The following KCNJ15 variants were observed in gnomAD, a reference collection of about 807,000 sequenced individuals.
KCNJ15 encodes potassium inwardly rectifying channel subfamily J member 15.
KCNJ15 carries 14 observed loss-of-function variants against 23.0 expected under a neutral mutation model. The observed-to-expected ratio is 0.61, with a 90% CI of 0.40 to 0.95. The LOEUF is 0.95. KCNJ15 is among the 40% of genes least tolerant of loss of function. The pLI, the probability that KCNJ15 is intolerant of heterozygous loss-of-function variation, is 0.00. For synonymous variants in KCNJ15, 185 were observed against 183.2 expected, an observed-to-expected ratio of 1.01 and a Z score of -0.08; for missense variants, 388 against 461.8, an observed-to-expected ratio of 0.84 and a Z score of 1.46.
At chr21:38,238,424 C>T (rs966635401) in intron 1 of KCNJ15, 41 of 680,706 alleles carry the variant, frequency 6.0e-5, no homozygotes, top group Middle Eastern at 3.1e-4. Context: ...ACAGGGTGGA[C>T]GCACTGCACC....
chr21:38,275,824 C>G (rs1051142800), intron 1 of KCNJ15, among the ~76,000 whole-genome samples: 33 of 152,194 alleles, frequency 2.2e-4, no homozygotes, highest in Non-Finnish European at 3.4e-4. Flanking sequence ...GGGCAATTCC[C>G]CTTGTCTGTA....
In KCNJ15 at chr21:38,231,654, G is replaced by GT. The variant is rs35570403; in HGVS notation, c.-398-25382dup. Among the ~76,000 whole-genome samples the GT allele has an allele frequency of 1.8e-3, 265 of 150,712 alleles. 1 individual carries two copies. The East Asian group carries it at 0.023, about 13-fold the overall frequency. ...TCCTCTATTCCTAGTTTATTGAATA[G>GT]TTTTTTTTTTATCATAAATGGATTT... On this transcript the variant is annotated intron_variant, in intron 1 of 4. Transcript: ENST00000547341.
At chr21:38,288,026 C>CTTTTCTTTTTTTTTTT (rs1171718120) in intron 1 of KCNJ15, among the ~76,000 whole-genome samples, 1 of 78,170 alleles carries the variant, frequency 1.3e-5, no homozygotes, top group African/African-American at 5.1e-5. Flanking sequence ...TTGTTTTTTT[C>CTTTTCTTTTTTTTTTT]TTTGTTTTTT....
At chr21:38,246,977 T>TA (rs1568984692) in intron 1 of KCNJ15, among the ~76,000 whole-genome samples, 2 of 151,940 alleles carry the variant, frequency 1.3e-5, no homozygotes, top group Non-Finnish European at 2.9e-5. Flanking sequence ...TTAATAAAAC[T>TA]AAAAAATGAA....
At chr21:38,292,945 C>T (rs1056625651) in intron 1 of KCNJ15, among the ~76,000 whole-genome samples, 3 of 138,458 alleles carry the variant, frequency 2.2e-5, no homozygotes, top group East Asian at 4.1e-4. Flanking sequence ...CTCCAGCCTG[C>T]GTGACAGAGT....
At chr21:38,298,325 A>G (rs1012153248) in intron 2 of KCNJ15, 1 of 152,092 alleles carries the variant, frequency 6.6e-6, no homozygotes, top group Admixed American at 6.5e-5. Context: ...ACACTTATTG[A>G]CTTTTTCATT....
At chr21:38,286,601 G>T (rs1983940751) in intron 1 of KCNJ15, among the ~76,000 whole-genome samples, 1 of 152,210 alleles carries the variant, frequency 6.6e-6, no homozygotes, top group African/African-American at 2.4e-5. Context: ...TGTTAAACAT[G>T]TCAAGAGATT....
At chr21:38,290,477 G>A (rs1430133466) in intron 1 of KCNJ15, among the ~76,000 whole-genome samples, 1 of 152,210 alleles carries the variant, frequency 6.6e-6, no homozygotes, top group Non-Finnish European at 1.5e-5. Context: ...CAATGCAAAT[G>A]TGGATTGGTC....
intron 1 of KCNJ15, among the ~76,000 whole-genome samples, chr21:38,282,212 C>G (rs1983423362): frequency 6.6e-6 from 1 of 152,216 alleles, no homozygotes; most frequent in African/African-American, 2.4e-5. Flanking sequence ...GTGGAAGCTA[C>G]AATTGAATAC....
chr21:38,251,890 TG>T (rs1300044642), upstream of KCNJ15, among the ~76,000 whole-genome samples: 1 of 152,220 alleles, frequency 6.6e-6, no homozygotes, highest in African/African-American at 2.4e-5. Flanking sequence ...GGATAATTTT[TG>T]AACCATCTCA....
intron 1 of KCNJ15, among the ~76,000 whole-genome samples, chr21:38,230,225 G>A (rs1988694772): frequency 6.6e-6 from 1 of 151,886 alleles, no homozygotes; most frequent in African/African-American, 2.4e-5. Context: ...CTATCCTTGT[G>A]GTTTTGAAGT....
At position 38,247,232 on chromosome 21, in the gene KCNJ15, TGATG is replaced by T. The variant is rs765878058; in HGVS notation, c.-398-9790_-398-9787del. On this transcript the variant is annotated intron_variant, in intron 1 of 4. Coordinates refer to the KCNJ15 transcript ENST00000547341. ...TAGATGGATGGATGGATAAATGGAT[TGATG>T]GATGGATGGATGGATGGATGGATAA... 5.0e-4 allele frequency among the ~76,000 whole-genome samples: 54 copies of T among 108,512 alleles called. 1 individual carries two copies. In the South Asian group the frequency reaches 8.0e-3, roughly 16 times the overall value. The allele number at this position is 108,512 out of a possible 152,430, so 71.2% of individuals were successfully genotyped here.
chr21:38,267,594 T>C (rs1981595628), intron 1 of KCNJ15, among the ~76,000 whole-genome samples: 1 of 152,070 alleles, frequency 6.6e-6, no homozygotes. Context: ...AAGACACAGT[T>C]AATGGCGCCA....
chr21:38,258,228 G>T (rs979091923), intron 1 of KCNJ15, among the ~76,000 whole-genome samples: 2 of 152,010 alleles, frequency 1.3e-5, no homozygotes, highest in African/African-American at 2.4e-5. Flanking sequence ...TGAAACAATC[G>T]GTAGTAATAG....
chr21:38,238,598 C>T, intron 1 of KCNJ15: 2 of 613,560 alleles, frequency 3.3e-6, no homozygotes. Context: ...TCCATCCAGT[C>T]CTTGTGACTC....
intron 1 of KCNJ15, among the ~76,000 whole-genome samples, chr21:38,240,662 T>C (rs1285524822): frequency 6.6e-6 from 1 of 152,232 alleles, no homozygotes; most frequent in Non-Finnish European, 1.5e-5. Context: ...ATGGGTAAAG[T>C]TCCTGGAATG....
intron 1 of KCNJ15, among the ~76,000 whole-genome samples, chr21:38,259,277 G>A (rs1980625584): frequency 6.6e-6 from 1 of 152,170 alleles, no homozygotes; most frequent in Non-Finnish European, 1.5e-5. Context: ...ATGTATTTGT[G>A]TGGTGGATGC....
chr21:38,230,778 A>T (rs1401055190), intron 1 of KCNJ15, among the ~76,000 whole-genome samples: 1 of 152,056 alleles, frequency 6.6e-6, no homozygotes, highest in Admixed American at 6.5e-5. Flanking sequence ...TATTCTATTG[A>T]TCTATATGTT....
chr21:38,268,807 A>G (rs147958484), intron 1 of KCNJ15: 3 of 152,360 alleles, frequency 2.0e-5, no homozygotes, highest in Non-Finnish European at 4.4e-5. Flanking sequence ...ATTATGGGGC[A>G]TATGGGAAAG....
Sources: gnomAD v4.1 joint callset for allele counts (sites outside exome capture counted in the v4.1 genomes callset) on GRCh38, gnomAD v4.1.1 for gene constraint, MANE v1.5 for transcripts, NCBI Gene and HGNC (gene_info 2026-07-23, HGNC 2026-07-21) for gene names.